Variants in PIK3R5 observed in about 807,000 individuals in gnomAD.
PIK3R5 encodes the protein phosphoinositide-3-kinase regulatory subunit 5.
In PIK3R5, 32 loss-of-function variants were observed where a neutral mutation model predicts 94.9. That is an observed-to-expected ratio of 0.34 (90% CI 0.25 to 0.45). PIK3R5 has a LOEUF of 0.45. Ranked by LOEUF, PIK3R5 falls within the 20% of genes least tolerant of loss-of-function variation. The pLI is 1.00. For synonymous variants in PIK3R5, 443 were observed against 479.4 expected (o/e 0.92, Z 0.99); for missense variants, 853 against 1,144.6 (o/e 0.75, Z 3.68).
rs780276179 is a variant in PIK3R5 at position 8,911,525 on chromosome 17, G to A, written c.-13-18C>T. On this transcript the variant is annotated intron_variant, in intron 1 of 18. Transcript: ENST00000447110. This position sits in a 1 kb window ranked among gnomAD's most constrained non-coding sequence, Gnocchi z 5.3. ...GTCATCGCCTGCATGGGGGACAGAC[G>A]CCGGTCAGCTTGTCGAGCTCCTTTC... 9 of 1,523,820 alleles carry A rather than the reference G, an allele frequency of 5.9e-6. No individual in the cohort carries two copies. The highest frequency in any genetic ancestry group is 1.4e-5 in the African/African-American group (1 of 73,584). The allele number at this position is 1,523,820 out of a possible 1,614,324, so 94.4% of individuals were successfully genotyped here.
chr17:8,927,946 C>A (rs897389384), intron 1 of PIK3R5, among the ~76,000 whole-genome samples: 1 of 152,218 alleles, frequency 6.6e-6, no homozygotes, highest in African/African-American at 2.4e-5. Context: ...TTCACACCAG[C>A]TCCTTTTAAC....
intron 1 of PIK3R5, among the ~76,000 whole-genome samples, chr17:8,943,262 T>C (rs898747441): frequency 6.6e-6 from 1 of 151,914 alleles, no homozygotes; most frequent in Admixed American, 6.6e-5. Context: ...TGTTTGTTTG[T>C]TTGTTTTTGT....
At chr17:8,960,129 G>A (rs995007056) in intron 1 of PIK3R5, among the ~76,000 whole-genome samples, 1 of 152,144 alleles carries the variant, frequency 6.6e-6, no homozygotes, top group African/African-American at 2.4e-5. Context: ...CTTGCCAGTA[G>A]TGCTATCATC....
intron 1 of PIK3R5, among the ~76,000 whole-genome samples, chr17:8,947,806 G>A (rs544365325): frequency 1.3e-5 from 2 of 152,238 alleles, no homozygotes; most frequent in South Asian, 2.1e-4. Context: ...CACTTTGGGA[G>A]GCCGAGGCCG....
chr17:8,916,513 C>G (rs2090634343), intron 1 of PIK3R5: 1 of 149,960 alleles, frequency 6.7e-6, no homozygotes. Context: ...AATTCCCCTG[C>G]CAGTGGTGAG....
At chr17:8,932,113 G>A (rs924302950) in intron 1 of PIK3R5, among the ~76,000 whole-genome samples, 7 of 152,146 alleles carry the variant, frequency 4.6e-5, no homozygotes, top group African/African-American at 1.7e-4. Flanking sequence ...AAGAGAGTAG[G>A]TATGTTGAAA....
At chr17:8,932,110 T>C (rs552689744) in intron 1 of PIK3R5, among the ~76,000 whole-genome samples, 1 of 151,672 alleles carries the variant, frequency 6.6e-6, no homozygotes, top group Non-Finnish European at 1.5e-5. Flanking sequence ...CCAAAGAGAG[T>C]AGGTATGTTG....
chr17:8,883,354 C>T (rs1027870413), intron 15 of PIK3R5, among the ~76,000 whole-genome samples: 6 of 152,256 alleles, frequency 3.9e-5, no homozygotes, highest in Admixed American at 6.5e-5. Context: ...AGAAACAGGG[C>T]GAGACTATGT....
chr17:8,886,513 G>A lies in PIK3R5; in HGVS notation c.1998C>T (p.Ala666=), dbSNP rs202044732. 68 of 1,611,482 alleles carry A rather than the reference G, an allele frequency of 4.2e-5. 1 individual carries two copies. The highest frequency in any genetic ancestry group is 5.5e-5 in the Non-Finnish European group (65 of 1,178,680). The part of the protein sequence containing the change: ...ADMLLYYCRF[A]ARPVLLQVYQ... ...AGACTTGCAGCAGCACCGGTCTGGCGGCAAAGCGGCAGTAGTAGAGTAGCA... is the reference window on the plus strand; with the variant it reads ...AGACTTGCAGCAGCACCGGTCTGGCAGCAAAGCGGCAGTAGTAGAGTAGCA... Residue 666 remains alanine, a synonymous_variant, in exon 13 of 19, where the codon GCC becomes GCT. Transcript: ENST00000447110.
intron 1 of PIK3R5, among the ~76,000 whole-genome samples, chr17:8,953,817 G>A (rs929459300): frequency 4.6e-5 from 7 of 152,280 alleles, no homozygotes; most frequent in African/African-American, 1.7e-4. Context: ...ACACAAGCTC[G>A]TGTTTCTGTG....
rs202162578 is a variant in PIK3R5 at position 8,886,337 on chromosome 17, A to C, written c.2035-15T>G. 275 of 1,608,844 alleles carry C rather than the reference A, an allele frequency of 1.7e-4. No individual in the cohort carries two copies. In the East Asian group the frequency reaches 5.9e-3, roughly 34 times the overall value. On this transcript the variant is annotated splice_polypyrimidine_tract_variant and intron_variant, in intron 13 of 18. Coordinates refer to ENST00000447110, the MANE Select transcript of PIK3R5 (RefSeq NM_001142633.3). ...ATGAAGGTCAGCTGGAGAGGGCAGG[A>C]GCATGTACATCAGTGTGAACCTCCT...
intron 5 of PIK3R5, among the ~76,000 whole-genome samples, chr17:8,903,020 T>C (rs1424859622): frequency 6.6e-6 from 1 of 151,970 alleles, no homozygotes; most frequent in Non-Finnish European, 1.5e-5. Context: ...TAATTTTCTA[T>C]TTTTAGTAGA....
chr17:8,950,479 A>G (rs2091357185), intron 1 of PIK3R5, among the ~76,000 whole-genome samples: 1 of 151,964 alleles, frequency 6.6e-6, no homozygotes, highest in Non-Finnish European at 1.5e-5. Flanking sequence ...CACAATGTCT[A>G]TTGCTCCCAT....
At chr17:8,924,784 C>T (rs1236793033) in intron 1 of PIK3R5, among the ~76,000 whole-genome samples, 1 of 152,218 alleles carries the variant, frequency 6.6e-6, no homozygotes, top group East Asian at 1.9e-4. Context: ...AAAACAGATA[C>T]TCATCAGGTT....
At chr17:8,895,039 G>A (rs755068140) in intron 5 of PIK3R5, among the ~76,000 whole-genome samples, 15 of 152,072 alleles carry the variant, frequency 9.9e-5, no homozygotes, top group Non-Finnish European at 2.2e-4. Context: ...TGTAATCATC[G>A]CATATTTAGA....
chr17:8,915,061 G>A (rs2090603431), intron 1 of PIK3R5, among the ~76,000 whole-genome samples: 1 of 152,218 alleles, frequency 6.6e-6, no homozygotes, highest in Admixed American at 6.5e-5. Flanking sequence ...TTGCCCCTCA[G>A]CACAGTCGGA....
chr17:8,950,477 C>G (rs943674173), intron 1 of PIK3R5, among the ~76,000 whole-genome samples: 2 of 152,146 alleles, frequency 1.3e-5, no homozygotes, highest in Non-Finnish European at 2.9e-5. Flanking sequence ...TCCACAATGT[C>G]TATTGCTCCC....
In PIK3R5 at chr17:8,887,175, T is replaced by C. The variant is rs1220713499; in HGVS notation, c.1826A>G (p.His609Arg). 1.1e-5 allele frequency: 18 copies of C among 1,613,774 alleles called. No homozygotes were observed. Among genetic ancestry groups the C allele is most frequent in the Non-Finnish European group, 1.4e-5 (16 of 1,179,988 alleles). The change falls in exon 12 of 19, where the codon CAC becomes CGC. Residue 609 changes from histidine (H) to arginine (R), a missense_variant. His to Arg is a conservative substitution (Grantham distance 29). Transcript: ENST00000447110. ...PWEESTNDIS[H>R]YLGMLDPWYE... ...CCAGGGGTCCAGCATGCCGAGGTAG[T>C]GGGAGATGTCATTGGTGCTCTCCTC...
intron 1 of PIK3R5, among the ~76,000 whole-genome samples, chr17:8,924,390 C>G (rs927049582): frequency 6.6e-6 from 1 of 151,852 alleles, no homozygotes; most frequent in African/African-American, 2.4e-5. Context: ...ACAGGCTGCT[C>G]ACTTTCTACA....
Sources: allele counts gnomAD v4.1 joint callset (sites outside exome capture counted in the v4.1 genomes callset), GRCh38; gene constraint gnomAD v4.1.1; non-coding constraint Gnocchi (gnomAD v3.1); transcripts MANE v1.5; gene names NCBI Gene and HGNC (gene_info 2026-07-23, HGNC 2026-07-21).